Variants in LRP1B observed in about 807,000 individuals in gnomAD.
LRP1B encodes the protein low-density lipoprotein receptor-related protein 1B.
In LRP1B, 217 loss-of-function variants were observed where a neutral mutation model predicts 556.6. The observed-to-expected ratio is 0.39, with a 90% CI of 0.35 to 0.44. The LOEUF (loss-of-function observed/expected upper bound fraction) is 0.44. Ranked by LOEUF, LRP1B falls within the 20% of genes least tolerant of loss-of-function variation. LRP1B has a pLI of 1.00. For synonymous variants in LRP1B, 2,047 were observed against 1,865.8 expected (o/e 1.10, Z -2.50); for missense variants, 5,053 against 5,620.8 (o/e 0.90, Z 3.23).
intron 25 of LRP1B, among the ~76,000 whole-genome samples, chr2:140,876,084 T>TA (rs57365769): frequency 0.054 from 8,220 of 152,168 alleles, 228 homozygotes; most frequent in East Asian, 0.1. Context: ...GAGGTTGCGA[T>TA]ATCAGAATAG....
chr2:140,813,779 T>A lies in LRP1B; in HGVS notation c.5237A>T (p.Lys1746Met). ...VGLSIDYVENKLYWISSGNGT... is the reference protein window; with the variant it reads ...VGLSIDYVENMLYWISSGNGT... ...ATTCCCTGAACTGATCCAATAAAGC[T>A]TGTTTTCCACATAGTCTATCGATAG... The change falls in exon 32 of 91, where the codon AAG (lysine) becomes ATG (methionine). Residue 1746 changes from lysine to methionine, a missense_variant. Lys to Met is a moderately conservative substitution (Grantham distance 95). This residue lies in a region of LRP1B where 3,619 missense variants were observed against 3,931.9 expected (regional missense o/e 0.92). Coordinates refer to ENST00000389484, the MANE Select transcript of LRP1B (RefSeq NM_018557.3). The A allele has an allele frequency of 6.2e-7, 1 of 1,609,134 alleles. No homozygotes were observed. Among genetic ancestry groups the A allele is most frequent in the Non-Finnish European group, 8.5e-7 (1 of 1,175,876 alleles).
chr2:141,372,853 G>T (rs1007507741), intron 3 of LRP1B, among the ~76,000 whole-genome samples: 2 of 151,764 alleles, frequency 1.3e-5, no homozygotes, highest in Non-Finnish European at 2.9e-5. Context: ...TATTTTGGGG[G>T]TGCCTCTCTT....
At chr2:141,314,158 A>G (rs1299356592) in intron 3 of LRP1B, among the ~76,000 whole-genome samples, 1 of 152,210 alleles carries the variant, frequency 6.6e-6, no homozygotes, top group Non-Finnish European at 1.5e-5. Context: ...AAATAAAAAT[A>G]TACTCGCATG....
chr2:141,822,104 C>A (rs1264949132), intron 1 of LRP1B, among the ~76,000 whole-genome samples: 1 of 90,604 alleles, frequency 1.1e-5, no homozygotes, highest in East Asian at 2.6e-4. Flanking sequence ...CACACACACA[C>A]ACACACACAC....
intron 32 of LRP1B, among the ~76,000 whole-genome samples, chr2:140,781,124 T>A (rs1689684105): frequency 1.3e-5 from 2 of 152,108 alleles, no homozygotes; most frequent in South Asian, 2.1e-4. Context: ...ACAGGGTCAG[T>A]AAATAAATGG....
At chr2:140,761,968 A>T (rs900035281) in intron 35 of LRP1B, among the ~76,000 whole-genome samples, 1 of 138,828 alleles carries the variant, frequency 7.2e-6, no homozygotes, top group Non-Finnish European at 1.6e-5. Flanking sequence ...CATAATGATG[A>T]TAACTATGAT....
At position 141,166,153 on chromosome 2, in the gene LRP1B, A is replaced by C. The variant is rs1466910121; in HGVS notation, c.1013+22268T>G. Reference sequence around the variant, plus strand: ...TTCGAAACTGTAAATCTACCTGAAAAACTCCTCTGTTTAACCCAACCATAC... The same window carrying C: ...TTCGAAACTGTAAATCTACCTGAAACACTCCTCTGTTTAACCCAACCATAC... On this transcript the variant is annotated intron_variant, in intron 7 of 90. Coordinates refer to ENST00000389484, the MANE Select transcript of LRP1B (RefSeq NM_018557.3). Among the ~76,000 whole-genome samples, 7 of 151,840 alleles carry C rather than the reference A, an allele frequency of 4.6e-5. No individual in the cohort carries two copies. In the Admixed American group the frequency reaches 4.6e-4, roughly 10 times the overall value.
chr2:140,622,759 A>T (rs1463871199), intron 41 of LRP1B, among the ~76,000 whole-genome samples: 1 of 152,186 alleles, frequency 6.6e-6, no homozygotes, highest in African/African-American at 2.4e-5. Context: ...AATGGCTCAC[A>T]GTTTGCTCTG....
intron 1 of LRP1B, among the ~76,000 whole-genome samples, chr2:141,906,736 G>A (rs1433964375): frequency 6.6e-6 from 1 of 152,050 alleles, no homozygotes; most frequent in East Asian, 1.9e-4. Context: ...GTGTTTTGGT[G>A]TGTGCATGCA....
chr2:140,568,310 T>C (rs1681201856), intron 43 of LRP1B, among the ~76,000 whole-genome samples: 1 of 148,732 alleles, frequency 6.7e-6, no homozygotes, highest in Non-Finnish European at 1.5e-5. Context: ...GAACCAAACA[T>C]AAACCCTGAA....
intron 7 of LRP1B, among the ~76,000 whole-genome samples, chr2:141,115,455 T>TTCG (rs1398142670): frequency 1.0e-5 from 1 of 97,112 alleles, no homozygotes; most frequent in South Asian, 3.9e-4. Flanking sequence ...GGTTTTTGTT[T>TTCG]TTGTTTTTTT....
chr2:140,443,378 G>T (rs936507074), intron 65 of LRP1B, among the ~76,000 whole-genome samples: 1 of 152,024 alleles, frequency 6.6e-6, no homozygotes, highest in Non-Finnish European at 1.5e-5. Context: ...AGTTTTTGAG[G>T]GAAGTGAACA....
intron 1 of LRP1B, among the ~76,000 whole-genome samples, chr2:141,837,804 G>T (rs1697335655): frequency 6.6e-6 from 1 of 152,068 alleles, no homozygotes; most frequent in South Asian, 2.1e-4. Context: ...GTGTAGTATA[G>T]ACTATTAAAC....
At chr2:141,259,517 TCTC>T (rs1228245879) in intron 3 of LRP1B, among the ~76,000 whole-genome samples, 6 of 152,168 alleles carry the variant, frequency 3.9e-5, no homozygotes, top group African/African-American at 1.4e-4. Context: ...CTGACAATCT[TCTC>T]CTCTCTGTAC....
At chr2:140,989,169 C>T (rs1697015122) in intron 17 of LRP1B, among the ~76,000 whole-genome samples, 1 of 151,722 alleles carries the variant, frequency 6.6e-6, no homozygotes, top group Non-Finnish European at 1.5e-5. Flanking sequence ...ATTATTTTCT[C>T]AAGGTTAAAA....
In LRP1B at chr2:141,542,902, A is replaced by G. The variant is rs762647264; in HGVS notation, c.206-62369T>C. ...ACATAGAAAAGGTTAAAAGTTACAT[A>G]TGGTATTCAGGTATTAAAAAAGATT... On this transcript the variant is annotated intron_variant, in intron 2 of 90. Coordinates refer to ENST00000389484, the MANE Select transcript of LRP1B (RefSeq NM_018557.3). Among the ~76,000 whole-genome samples, 11 of 152,190 alleles carry G rather than the reference A, an allele frequency of 7.2e-5. No individual in the cohort carries two copies. The South Asian group carries it at 8.3e-4, about 11-fold the overall frequency.
intron 7 of LRP1B, among the ~76,000 whole-genome samples, chr2:141,160,719 A>G (rs1036427303): frequency 1.3e-5 from 2 of 152,130 alleles, no homozygotes; most frequent in Non-Finnish European, 2.9e-5. Context: ...ATACAGTGAA[A>G]AAGAACAGAT....
In LRP1B at chr2:140,325,743, A is replaced by G. The variant is rs199980170; in HGVS notation, c.12340+19T>C. 105 of 1,503,578 alleles carry G rather than the reference A, an allele frequency of 7.0e-5. No homozygotes were observed. Among genetic ancestry groups the G allele is most frequent in the Middle Eastern group, 1.7e-4 (1 of 5,824 alleles). The allele number at this position is 1,503,578 out of a possible 1,614,324, so 93.1% of individuals were successfully genotyped here. On this transcript the variant is annotated intron_variant, in intron 80 of 90. Coordinates refer to ENST00000389484, the MANE Select transcript of LRP1B (RefSeq NM_018557.3). Reference sequence around the variant, plus strand: ...CTCTCAGTAACAATTAAAAATGAAGACAAAAGCACTTCACAAACCTTGTTT... The same window carrying G: ...CTCTCAGTAACAATTAAAAATGAAGGCAAAAGCACTTCACAAACCTTGTTT...
chr2:141,453,992 T>C (rs751375107), intron 3 of LRP1B, among the ~76,000 whole-genome samples: 5 of 152,196 alleles, frequency 3.3e-5, no homozygotes, highest in Non-Finnish European at 7.4e-5. Flanking sequence ...TTATCTAAAG[T>C]TAATTTCTTT....
Sources: allele counts gnomAD v4.1 joint callset (sites outside exome capture counted in the v4.1 genomes callset), GRCh38; gene constraint gnomAD v4.1.1; regional missense constraint gnomAD v4.1.1; transcripts MANE v1.5; gene names NCBI Gene and HGNC (gene_info 2026-07-23, HGNC 2026-07-21).